The following XPO6 variants were observed in gnomAD, a reference collection of about 807,000 sequenced individuals.
XPO6 encodes the protein exportin 6, also known as exportin-6.
XPO6 carries 3 observed loss-of-function variants against 130.0 expected under a neutral mutation model. The observed-to-expected ratio is 0.02, with a 90% CI of 0.01 to 0.06. The LOEUF is 0.06. Ranked by LOEUF, XPO6 falls within the 10% of genes least tolerant of loss-of-function variation. The pLI, the probability that XPO6 is intolerant of heterozygous loss-of-function variation, is 1.00. For missense variants in XPO6, 970 were observed against 1,393.0 expected (o/e 0.70, Z 4.83); for synonymous variants, 524 against 548.9 (o/e 0.95, Z 0.63).
At chr16:28,165,405 T>C (rs1473022035) in intron 6 of XPO6, 3 of 152,170 alleles carry the variant, frequency 2.0e-5, no homozygotes, top group Non-Finnish European at 4.4e-5. Context: ...AGAATAAAGG[T>C]TTGCCACCAA....
rs1322481190 is a variant in XPO6 at position 28,211,810 on chromosome 16, C to T, written c.-442G>A. On this transcript the variant is annotated 5_prime_UTR_variant, in exon 1 of 24. Coordinates refer to ENST00000304658, the MANE Select transcript of XPO6 (RefSeq NM_015171.4). ...GACCGCGCGGCCCAGGCGGCCGGCT[C>T]AGGGGAGAGGCCCGGGGGCCCGCGC... is the stretch of plus-strand genomic sequence containing the variant. 4.2e-6 allele frequency: 1 copy of T among 237,810 alleles called. No homozygotes were observed. Among genetic ancestry groups the T allele is most frequent in the African/African-American group, 2.3e-5 (1 of 43,790 alleles). The allele number at this position is 237,810 out of a possible 1,614,324, so 14.7% of individuals were successfully genotyped here.
At chr16:28,112,574 C>T (rs1420143419) in intron 16 of XPO6, among the ~76,000 whole-genome samples, 3 of 152,216 alleles carry the variant, frequency 2.0e-5, no homozygotes, top group Non-Finnish European at 4.4e-5. Flanking sequence ...AGAACAGTGA[C>T]AACAAAAACC....
intron 14 of XPO6, among the ~76,000 whole-genome samples, chr16:28,119,987 G>T (rs2087188212): frequency 6.6e-6 from 1 of 152,110 alleles, no homozygotes; most frequent in African/African-American, 2.4e-5. Flanking sequence ...GACTACAGGT[G>T]CAAGTGCCAC....
At chr16:28,104,476 C>T (rs1441809185) in intron 21 of XPO6, 70 bp downstream of exon 21, 3 of 1,567,984 alleles carry the variant, frequency 1.9e-6, no homozygotes, top group Non-Finnish European at 8.7e-7. Context: ...TGTGGGGCTT[C>T]GAAGACAGGA....
Position 28,145,975 on chromosome 16 carries a change from C to T in XPO6, c.1334+119G>A, listed in dbSNP as rs183423852. 340 of 681,656 alleles carry T rather than the reference C, an allele frequency of 5.0e-4. 2 individuals carry two copies. The Middle Eastern group carries it at 6.9e-3, about 14-fold the overall frequency. The allele number at this position is 681,656 out of a possible 1,614,324, so 42.2% of individuals were successfully genotyped here. On this transcript the variant is annotated intron_variant, in intron 9 of 23. Coordinates refer to ENST00000304658, the MANE Select transcript of XPO6 (RefSeq NM_015171.4). ...AAGGAAATGCTCAATGGCATTATTG[C>T]CTAAACAGCTTACATGACTCAGCTT... is the stretch of plus-strand genomic sequence containing the variant.
intron 13 of XPO6, among the ~76,000 whole-genome samples, chr16:28,124,144 G>T (rs1315002725): frequency 6.8e-6 from 1 of 148,130 alleles, no homozygotes; most frequent in Non-Finnish European, 1.5e-5. Context: ...TGCAACCTCC[G>T]CCTCCCAGGT....
chr16:28,197,907 A>T (rs1438786803), intron 1 of XPO6, among the ~76,000 whole-genome samples: 2 of 101,974 alleles, frequency 2.0e-5, no homozygotes, highest in Non-Finnish European at 4.1e-5. Flanking sequence ...CAACACAGAG[A>T]GACTCTTAAA....
At position 28,098,385 on chromosome 16, in the gene XPO6, A is replaced by C; in HGVS notation, c.*153T>G. 1 of 642,034 alleles carries C rather than the reference A, an allele frequency of 1.6e-6. No homozygotes were observed. The highest frequency in any genetic ancestry group is 1.8e-5 in the African/African-American group (1 of 55,012). 39.8% of individuals were successfully genotyped at this position (642,034 alleles called of 1,614,324 possible). A position where few individuals can be genotyped will look rare whatever the true frequency, so the allele number is the denominator to read the frequency against. On this transcript the variant is annotated 3_prime_UTR_variant, in exon 24 of 24. Coordinates refer to ENST00000304658, the MANE Select transcript of XPO6 (RefSeq NM_015171.4). ...AAGCCAGCTCTGCTGGGCAGCGGCA[A>C]GATGTGGAGGAGCGGCAGAGGCAGG...
chr16:28,128,432 C>A (rs980011870), intron 12 of XPO6, among the ~76,000 whole-genome samples: 6 of 152,134 alleles, frequency 3.9e-5, no homozygotes, highest in African/African-American at 1.4e-4. Flanking sequence ...TCCACCTCCC[C>A]CCAGGCTCTA....
intron 2 of XPO6, 21 bp from the exon 3 acceptor site, chr16:28,177,353 C>G: frequency 6.9e-7 from 1 of 1,455,596 alleles, no homozygotes; most frequent in Non-Finnish European, 9.6e-7. Flanking sequence ...TAAATGGCAA[C>G]AAAAGAAAGC....
At position 28,133,938 on chromosome 16, in the gene XPO6, AGG is replaced by A. The variant is rs770276706; in HGVS notation, c.1444-7_1444-6del. 1 of 1,613,928 alleles carries A rather than the reference AGG, an allele frequency of 6.2e-7. No homozygotes were observed. The highest frequency in any genetic ancestry group is 1.1e-5 in the South Asian group (1 of 91,038). ...CCGCTGCCACTCCGTCTGCTGCTGT[AGG>A]GGAAGCACAGGAGAATCAGCTCTCC... On this transcript the variant is annotated splice_polypyrimidine_tract_variant and splice_region_variant and intron_variant, in intron 10 of 23. Transcript: ENST00000304658.
intron 9 of XPO6, 122 bp downstream of exon 9, chr16:28,145,972 T>C (rs138751355): frequency 1.2e-4 from 80 of 642,312 alleles, no homozygotes; most frequent in Admixed American, 7.1e-4. Flanking sequence ...AATGGCATTA[T>C]TGCCTAAACA....
chr16:28,144,208 T>C (rs919279059), intron 9 of XPO6, among the ~76,000 whole-genome samples: 2 of 152,236 alleles, frequency 1.3e-5, no homozygotes, highest in African/African-American at 2.4e-5. Context: ...ATTTCTGATA[T>C]ATGAACGTAC....
chr16:28,196,848 C>A (rs2043872224), intron 1 of XPO6, among the ~76,000 whole-genome samples: 1 of 152,184 alleles, frequency 6.6e-6, no homozygotes. Context: ...TTCCCCTTCA[C>A]CGTCCACCAG....
intron 9 of XPO6, among the ~76,000 whole-genome samples, chr16:28,140,954 T>C (rs2042879941): frequency 6.6e-6 from 1 of 152,234 alleles, no homozygotes; most frequent in Non-Finnish European, 1.5e-5. Context: ...TTGAAGCATA[T>C]TCCTGGATAG....
At chr16:28,168,085 T>A (rs1350209196) in intron 5 of XPO6, among the ~76,000 whole-genome samples, 9 of 152,186 alleles carry the variant, frequency 5.9e-5, no homozygotes. Flanking sequence ...GTGAGTTTTA[T>A]CTCAATTTTT....
At chr16:28,131,738 A>G (rs1028439386) in intron 12 of XPO6, among the ~76,000 whole-genome samples, 5 of 152,246 alleles carry the variant, frequency 3.3e-5, no homozygotes, top group African/African-American at 7.2e-5. Flanking sequence ...ATTAAGTAAT[A>G]TAAGTCAATA....
rs753976406 is a variant in XPO6, at chr16:28,106,338, T to G, written c.2612+45A>C. On this transcript the variant is annotated intron_variant, in intron 19 of 23. Transcript: ENST00000304658. This position sits in a 1 kb window ranked among gnomAD's most constrained non-coding sequence, Gnocchi z 4.2. ...CACACTTTGTCGCCAGACCCACCACTTCTCCCTTGAATCTGAAAACTATAG... is the reference window on the plus strand; with the variant it reads ...CACACTTTGTCGCCAGACCCACCACGTCTCCCTTGAATCTGAAAACTATAG... The G allele has an allele frequency of 1.6e-5, 26 of 1,607,714 alleles. 1 individual carries two copies. The South Asian group carries it at 2.2e-4, about 14-fold the overall frequency.
At chr16:28,115,297 G>A (rs28757353) in intron 15 of XPO6, among the ~76,000 whole-genome samples, 144,985 of 152,276 alleles carry the variant, frequency 0.95, 69,429 homozygotes, top group Non-Finnish European at 1. Flanking sequence ...TTCTGAAACA[G>A]TAAGACTTGA....
Sources: gnomAD v4.1 joint callset for allele counts (sites outside exome capture counted in the v4.1 genomes callset) on GRCh38, gnomAD v4.1.1 for gene constraint, Gnocchi (gnomAD v3.1) non-coding constraint, MANE v1.5 for transcripts, NCBI Gene and HGNC (gene_info 2026-07-23, HGNC 2026-07-21) for gene names.